Variants in SPRED2 observed in about 807,000 individuals in gnomAD.
SPRED2 encodes sprouty related EVH1 domain containing 2.
Under a neutral mutation model 43.0 loss-of-function variants are expected in SPRED2, and 47 were observed. That is an observed-to-expected ratio of 1.09 (90% confidence interval 0.87 to 1.40). The LOEUF (loss-of-function observed/expected upper bound fraction) is 1.40. Among genes scored for constraint, SPRED2 ranks in the 40% most tolerant of loss-of-function variants. The probability of loss-of-function intolerance (pLI) is 0.00; values close to 1 mark genes in which losing one functional copy is unlikely to be tolerated. For synonymous variants in SPRED2, 225 were observed against 225.7 expected (o/e 1.00, Z 0.03); for missense variants, 561 against 586.4 (o/e 0.96, Z 0.45).
chr2:65,366,130 G>A, intron 1 of SPRED2, among the ~76,000 whole-genome samples: 1 of 152,232 alleles, frequency 6.6e-6, no homozygotes, highest in Admixed American at 6.5e-5. Context: ...TAGGAAAAAA[G>A]CACAGTACTG....
chr2:65,420,779 A>T (rs1676405103), intron 1 of SPRED2, among the ~76,000 whole-genome samples: 1 of 152,222 alleles, frequency 6.6e-6, no homozygotes, highest in Non-Finnish European at 1.5e-5. Flanking sequence ...GATAAGACCT[A>T]AAAGCAATTC....
intron 4 of SPRED2, among the ~76,000 whole-genome samples, chr2:65,325,157 A>C (rs2104168914): frequency 6.6e-6 from 1 of 152,286 alleles, no homozygotes; most frequent in Middle Eastern, 3.4e-3. Context: ...AGGGAGATAA[A>C]AGGGACAAAC....
intron 3 of SPRED2, 35 bp from the exon 4 acceptor site, chr2:65,332,086 C>A: frequency 7.3e-7 from 1 of 1,370,400 alleles, no homozygotes; most frequent in South Asian, 1.2e-5. Flanking sequence ...AAGTGTTTCC[C>A]AAGAGGATAC....
rs368487447 is a variant in SPRED2 at position 65,422,263 on chromosome 2, G to A, written c.26+9699C>T. On this transcript the variant is annotated intron_variant, in intron 1 of 5. Coordinates refer to ENST00000356388, the MANE Select transcript of SPRED2 (RefSeq NM_181784.3). Reference sequence around the variant, plus strand: ...AAGAGTTCCCCTACCCCAAATATGAGAACCCCAACACATCACATTTCTAGT... The same window carrying A: ...AAGAGTTCCCCTACCCCAAATATGAAAACCCCAACACATCACATTTCTAGT... Among the ~76,000 whole-genome samples, 7 of 152,240 alleles carry A rather than the reference G, an allele frequency of 4.6e-5. No individual in the cohort carries two copies. In the South Asian group the frequency reaches 8.3e-4, roughly 18 times the overall value.
intron 1 of SPRED2, among the ~76,000 whole-genome samples, chr2:65,394,685 C>T (rs1391752282): frequency 2.6e-5 from 4 of 152,086 alleles, no homozygotes; most frequent in East Asian, 1.9e-4. Flanking sequence ...TTTTCTGCTA[C>T]GGTACGAAGA....
At chr2:65,428,721 C>T (rs1004149321) in intron 1 of SPRED2, among the ~76,000 whole-genome samples, 1 of 152,172 alleles carries the variant, frequency 6.6e-6, no homozygotes, top group Admixed American at 6.5e-5. Context: ...GAGAAGAGTT[C>T]ATGAAAGGAA....
intron 1 of SPRED2, among the ~76,000 whole-genome samples, chr2:65,415,358 T>A (rs1676248674): frequency 6.6e-6 from 1 of 152,204 alleles, no homozygotes; most frequent in Admixed American, 6.5e-5. Flanking sequence ...TTTAAGTCAA[T>A]GTATTTTCAT....
At position 65,314,133 on chromosome 2, in the gene SPRED2, C is replaced by T; in HGVS notation, c.625G>A (p.Asp209Asn). The T allele has an allele frequency of 5.0e-6, 8 of 1,602,932 alleles. No individual in the cohort carries two copies. Among genetic ancestry groups the T allele is most frequent in the Non-Finnish European group, 6.8e-6 (8 of 1,170,886 alleles). ...PRPYRQVSFPDDDEEIVRINP... is the reference protein window; with the variant it reads ...PRPYRQVSFPNDDEEIVRINP... ...ATGCGCACGATCTCCTCGTCGTCGT[C>T]CGGGAAGCTCACCTGGCGGTAGGGC... The change falls in exon 6 of 6, where the codon GAC becomes AAC. Residue 209 changes from aspartate (D) to asparagine (N), a missense_variant. Coordinates refer to ENST00000356388, the MANE Select transcript of SPRED2 (RefSeq NM_181784.3).
chr2:65,392,978 C>A (rs1380057515), intron 1 of SPRED2, among the ~76,000 whole-genome samples: 1 of 152,120 alleles, frequency 6.6e-6, no homozygotes, highest in Non-Finnish European at 1.5e-5. Flanking sequence ...TACTCAACAG[C>A]AAGAAAAGGA....
Position 65,312,006 on chromosome 2 carries a change from C to T in SPRED2, c.*1495G>A, listed in dbSNP as rs1038982455. On this transcript the variant is annotated 3_prime_UTR_variant, in exon 6 of 6. Transcript: ENST00000356388. The stretch of plus-strand genomic sequence containing the variant: ...AGATCGTGGCGGGAAGAACAGCCGG[C>T]GTCCGCAAGCCTGTCCCCGGTGGTC... The T allele has an allele frequency of 5.1e-6, 5 of 985,056 alleles. No homozygotes were observed. The highest frequency in any genetic ancestry group is 1.2e-4 in the Admixed American group (2 of 16,244). 61.0% of individuals were successfully genotyped at this position (985,056 alleles called of 1,614,324 possible).
chr2:65,330,232 G>C (rs1055067626), intron 4 of SPRED2, among the ~76,000 whole-genome samples: 1 of 152,172 alleles, frequency 6.6e-6, no homozygotes, highest in Non-Finnish European at 1.5e-5. Flanking sequence ...CCAAGGTAAT[G>C]GTTTTTCAAA....
Position 65,385,896 on chromosome 2 carries a change from A to C in SPRED2, c.27-41000T>G, listed in dbSNP as rs191911475. 2.0e-5 allele frequency among the ~76,000 whole-genome samples: 3 copies of C among 152,312 alleles called. No homozygotes were observed. The East Asian group carries it at 5.8e-4, about 29-fold the overall frequency. On this transcript the variant is annotated intron_variant, in intron 1 of 5. Transcript: ENST00000356388. ...CACTGGACATCCCAAATAGCTTCCT[A>C]AATGTTCAGGTAAAGTTGATTTTTC... is the stretch of plus-strand genomic sequence containing the variant.
At chr2:65,374,595 T>C (rs1326338209) in intron 1 of SPRED2, among the ~76,000 whole-genome samples, 1 of 152,262 alleles carries the variant, frequency 6.6e-6, no homozygotes, top group Non-Finnish European at 1.5e-5. Context: ...CTAGGATATT[T>C]ACCTGGATGA....
chr2:65,360,447 T>G (rs934864721), intron 1 of SPRED2, among the ~76,000 whole-genome samples: 2 of 152,266 alleles, frequency 1.3e-5, no homozygotes, highest in Non-Finnish European at 2.9e-5. Flanking sequence ...CGAATTAACC[T>G]TAACACCTGT....
chr2:65,412,575 G>A (rs1676188131), intron 1 of SPRED2, among the ~76,000 whole-genome samples: 2 of 152,190 alleles, frequency 1.3e-5, no homozygotes, highest in East Asian at 1.9e-4. Flanking sequence ...CTGTTTAAGA[G>A]TGGATTTGCA....
chr2:65,372,776 T>C lies in SPRED2; in HGVS notation c.27-27880A>G, dbSNP rs541396670. Among the ~76,000 whole-genome samples, 3 of 152,334 alleles carry C rather than the reference T, an allele frequency of 2.0e-5. No homozygotes were observed. In the East Asian group the frequency reaches 5.8e-4, roughly 29 times the overall value. On this transcript the variant is annotated intron_variant, in intron 1 of 5. Transcript: ENST00000356388. The stretch of plus-strand genomic sequence containing the variant: ...GAATGACCTATTCCTTAAGGAGCAC[T>C]TGCACCAAGAGGATCATTAACCGGA...
At chr2:65,369,263 AC>A (rs1210861172) in intron 1 of SPRED2, among the ~76,000 whole-genome samples, 1 of 83,890 alleles carries the variant, frequency 1.2e-5, no homozygotes, top group Non-Finnish European at 3.1e-5. Flanking sequence ...ACACATACAT[AC>A]ACATACACAC....
intron 1 of SPRED2, among the ~76,000 whole-genome samples, chr2:65,419,404 C>A (rs1228274796): frequency 2.0e-5 from 3 of 152,202 alleles, no homozygotes; most frequent in African/African-American, 7.2e-5. Flanking sequence ...TCCACTAAAT[C>A]CACTCCAGAG....
rs952165929 is a variant in SPRED2 at position 65,416,278 on chromosome 2, C to G, written c.26+15684G>C. Among the ~76,000 whole-genome samples, 8 of 152,218 alleles carry G rather than the reference C, an allele frequency of 5.3e-5. No homozygotes were observed. The East Asian group carries it at 1.5e-3, about 29-fold the overall frequency. On this transcript the variant is annotated intron_variant, in intron 1 of 5. Transcript: ENST00000356388. ...ATCCCCAAGCAACCTCAGATATGCT[C>G]TTCCTTGGGGCCTCTGGTTTTGTTG...
Sources: gnomAD v4.1 joint callset for allele counts (sites outside exome capture counted in the v4.1 genomes callset) on GRCh38, gnomAD v4.1.1 for gene constraint, MANE v1.5 for transcripts, NCBI Gene and HGNC (gene_info 2026-07-23, HGNC 2026-07-21) for gene names.